Variants in RBFOX1 observed in about 807,000 individuals in gnomAD.
RBFOX1 encodes the protein RNA binding fox-1 homolog 1.
A neutral mutation model predicts 57.7 loss-of-function variants in RBFOX1; 8 were observed. The ratio of observed to expected loss-of-function variants is 0.14; its 90% CI spans 0.08 to 0.25. The LOEUF is 0.25. RBFOX1 is among the 10% of genes least tolerant of loss of function. RBFOX1 has a pLI of 1.00. For missense variants in RBFOX1, 611 were observed against 548.5 expected (o/e 1.11, Z -1.14); for synonymous variants, 326 against 222.4 (o/e 1.47, Z -4.15).
chr16:7,560,056 G>C (rs912017717), intron 5 of RBFOX1, among the ~76,000 whole-genome samples: 1 of 152,214 alleles, frequency 6.6e-6, no homozygotes, highest in Non-Finnish European at 1.5e-5. Context: ...GGGTCACTCT[G>C]GGATGGGGCC....
At chr16:6,678,402 G>A (rs1367411577) in intron 3 of RBFOX1, among the ~76,000 whole-genome samples, 5 of 151,816 alleles carry the variant, frequency 3.3e-5, no homozygotes, top group Non-Finnish European at 2.9e-5. Context: ...GGGATTACAG[G>A]CATGAGCCGC....
At chr16:7,079,943 T>A (rs908057376) in intron 4 of RBFOX1, among the ~76,000 whole-genome samples, 1 of 151,534 alleles carries the variant, frequency 6.6e-6, no homozygotes, top group Non-Finnish European at 1.5e-5. Context: ...ACAATGTGAA[T>A]GTACTTAATG....
rs374304086 is a variant in RBFOX1, at chr16:6,102,468, G to A, written c.-127+82476G>A. ...AACAACATCAATCATTGAATTGCAC[G>A]TCAACGGCTGAGGACATCTTTCTCT... On this transcript the variant is annotated intron_variant, in intron 1 of 15. Coordinates refer to ENST00000550418, the MANE Select transcript of RBFOX1 (RefSeq NM_018723.4). Among the ~76,000 whole-genome samples, 280 of 152,212 alleles carry A rather than the reference G, an allele frequency of 1.8e-3. 8 individuals are homozygous for A. The South Asian group carries it at 0.049, about 27-fold the overall frequency.
intron 4 of RBFOX1, among the ~76,000 whole-genome samples, chr16:7,297,507 G>A (rs2095921466): frequency 6.6e-6 from 1 of 152,162 alleles, no homozygotes; most frequent in Admixed American, 6.5e-5. Flanking sequence ...AATCCTGTAT[G>A]GATGCTAAGG....
chr16:7,583,542 T>C (rs1162966486), intron 6 of RBFOX1, among the ~76,000 whole-genome samples: 2 of 152,242 alleles, frequency 1.3e-5, no homozygotes, highest in East Asian at 3.8e-4. Context: ...GATTGTGATA[T>C]ATCCAGACTT....
intron 1 of RBFOX1, among the ~76,000 whole-genome samples, chr16:5,388,275 A>G (rs527530199): frequency 6.6e-6 from 1 of 152,226 alleles, no homozygotes; most frequent in Non-Finnish European, 1.5e-5. Flanking sequence ...AAGACATAGC[A>G]CATCCCTTGG....
In RBFOX1 at chr16:6,610,486, C is replaced by T. The variant is rs902223770; in HGVS notation, c.-63-44117C>T. On this transcript the variant is annotated intron_variant, in intron 2 of 15. Transcript: ENST00000550418. The stretch of plus-strand genomic sequence containing the variant: ...GGAATCACAGGTGCATGCCACCACA[C>T]TCAGCTGATTTTTTTGTACTTTTTG... Among the ~76,000 whole-genome samples, 3 of 152,064 alleles carry T rather than the reference C, an allele frequency of 2.0e-5. No homozygotes were observed. The East Asian group carries it at 5.8e-4, about 29-fold the overall frequency.
At chr16:5,369,968 T>A (rs907502657) in intron 1 of RBFOX1, among the ~76,000 whole-genome samples, 1 of 152,006 alleles carries the variant, frequency 6.6e-6, no homozygotes, top group Non-Finnish European at 1.5e-5. Context: ...TCGCTTAGAG[T>A]GGTTTCCTGC....
intron 4 of RBFOX1, among the ~76,000 whole-genome samples, chr16:7,510,910 C>T (rs2074908472): frequency 1.3e-5 from 2 of 152,046 alleles, no homozygotes; most frequent in Admixed American, 1.3e-4. Context: ...CTGTGCATGT[C>T]TTCATTATAA....
At chr16:5,274,246 T>C (rs2063087176) in intron 1 of RBFOX1, among the ~76,000 whole-genome samples, 1 of 151,996 alleles carries the variant, frequency 6.6e-6, no homozygotes, top group South Asian at 2.1e-4. Flanking sequence ...GTGAGTTAGG[T>C]GTTCAGGTGG....
At chr16:6,463,915 C>G (rs998243710) in intron 2 of RBFOX1, among the ~76,000 whole-genome samples, 7 of 151,756 alleles carry the variant, frequency 4.6e-5, no homozygotes, top group Admixed American at 1.3e-4. Flanking sequence ...CAGGAACCAC[C>G]CAGCTTGATA....
At chr16:6,647,463 G>A (rs529783492) in intron 2 of RBFOX1, among the ~76,000 whole-genome samples, 2 of 152,050 alleles carry the variant, frequency 1.3e-5, no homozygotes, top group Admixed American at 6.6e-5. Context: ...GGCCACGTTG[G>A]TCTTGAGCCC....
intron 3 of RBFOX1, among the ~76,000 whole-genome samples, chr16:7,006,117 G>C (rs115919632): frequency 2.7e-3 from 415 of 152,094 alleles, no homozygotes; most frequent in African/African-American, 9.5e-3. Context: ...AACATCTTTG[G>C]CTAGAGGACA....
At chr16:7,681,271 G>A (rs2146720127) in intron 14 of RBFOX1, among the ~76,000 whole-genome samples, 1 of 152,236 alleles carries the variant, frequency 6.6e-6, no homozygotes, top group Non-Finnish European at 1.5e-5. Context: ...ATACATAGGT[G>A]GGTGGATGAA....
At chr16:6,133,160 C>T (rs1460401244) in intron 1 of RBFOX1, among the ~76,000 whole-genome samples, 2 of 151,850 alleles carry the variant, frequency 1.3e-5, no homozygotes, top group Non-Finnish European at 2.9e-5. Flanking sequence ...TGCTGGGGCT[C>T]AATTCTCTTG....
intron 4 of RBFOX1, among the ~76,000 whole-genome samples, chr16:7,418,570 A>T (rs2098507224): frequency 6.6e-6 from 1 of 152,222 alleles, no homozygotes; most frequent in South Asian, 2.1e-4. Flanking sequence ...TAGTCAGTAG[A>T]CATTGGGTAT....
intron 1 of RBFOX1, among the ~76,000 whole-genome samples, chr16:5,438,329 A>G (rs566405057): frequency 1.3e-5 from 2 of 152,318 alleles, no homozygotes; most frequent in African/African-American, 2.4e-5. Context: ...GGGAGGATCT[A>G]TGGCTCAGAT....
intron 4 of RBFOX1, among the ~76,000 whole-genome samples, chr16:7,175,972 C>G (rs987322929): frequency 6.6e-6 from 1 of 152,080 alleles, no homozygotes; most frequent in South Asian, 2.1e-4. Context: ...AATGCAGAAA[C>G]TTAAGTATCT....
At chr16:6,384,007 C>T (rs2092049373) in intron 2 of RBFOX1, among the ~76,000 whole-genome samples, 1 of 150,422 alleles carries the variant, frequency 6.6e-6, no homozygotes, top group Admixed American at 6.6e-5. Context: ...CACTCTCTTT[C>T]TACCCTGAAA....
Sources: allele counts gnomAD v4.1 joint callset (sites outside exome capture counted in the v4.1 genomes callset), GRCh38; gene constraint gnomAD v4.1.1; transcripts MANE v1.5; gene names NCBI Gene and HGNC (gene_info 2026-07-23, HGNC 2026-07-21).